STPG1: variants seen among roughly 807,000 people sequenced by gnomAD.
The protein encoded by STPG1 is O(6)-methylguanine-induced apoptosis 2.
Under a neutral mutation model 40.1 loss-of-function variants are expected in STPG1, and 33 were observed. The ratio of observed to expected loss-of-function variants is 0.82; its 90% CI spans 0.62 to 1.10. STPG1 has a LOEUF of 1.10. Ranked by LOEUF, STPG1 falls within the 50% of genes least tolerant of loss-of-function variation. The probability of loss-of-function intolerance (pLI) is 0.00; values close to 1 mark genes in which losing one functional copy is unlikely to be tolerated. For missense variants in STPG1, 396 were observed against 415.1 expected (o/e 0.95, Z 0.40); for synonymous variants, 150 against 155.0 (o/e 0.97, Z 0.24).
At chr1:24,370,499 A>G (rs1050455733) in intron 6 of STPG1, among the ~76,000 whole-genome samples, 1 of 148,862 alleles carries the variant, frequency 6.7e-6, no homozygotes, top group Non-Finnish European at 1.5e-5. Flanking sequence ...TAAAAAAAAA[A>G]TTTTTTTTTT....
chr1:24,388,269 T>A (rs1642600690), intron 3 of STPG1, among the ~76,000 whole-genome samples: 1 of 151,914 alleles, frequency 6.6e-6, no homozygotes, highest in East Asian at 1.9e-4. Context: ...CAATCCAGGG[T>A]GAAGTGGAGA....
At chr1:24,407,505 A>G (rs1294084386) in intron 1 of STPG1, among the ~76,000 whole-genome samples, 1 of 149,010 alleles carries the variant, frequency 6.7e-6, no homozygotes, top group African/African-American at 2.5e-5. Flanking sequence ...GCAGTGGCGC[A>G]ATCTCGGCTC....
At chr1:24,401,637 C>T (rs1375718034) in intron 1 of STPG1, among the ~76,000 whole-genome samples, 181 bp from the exon 2 acceptor site, 1 of 152,276 alleles carries the variant, frequency 6.6e-6, no homozygotes, top group Non-Finnish European at 1.5e-5. Flanking sequence ...GTAGGAACTG[C>T]GTAAGAAGTC....
chr1:24,401,603 C>T (rs1377627312), intron 1 of STPG1, 147 bp from the exon 2 acceptor site: 1 of 579,526 alleles, frequency 1.7e-6, no homozygotes, highest in Non-Finnish European at 3.1e-6. Context: ...AAGTCCCAAG[C>T]ACATTGTGCT....
chr1:24,363,097 C>T (rs1374434133), intron 7 of STPG1, among the ~76,000 whole-genome samples: 2 of 152,204 alleles, frequency 1.3e-5, no homozygotes, highest in Non-Finnish European at 2.9e-5. Context: ...CACCCCATCA[C>T]TGGTCTGGGT....
chr1:24,388,311 C>T (rs1455291119), intron 3 of STPG1, among the ~76,000 whole-genome samples: 2 of 152,148 alleles, frequency 1.3e-5, no homozygotes, highest in Non-Finnish European at 1.5e-5. Context: ...AGAAAATGGC[C>T]GGCAGGCTGC....
At chr1:24,392,281 T>C (rs1642806553) in intron 2 of STPG1, among the ~76,000 whole-genome samples, 1 of 152,250 alleles carries the variant, frequency 6.6e-6, no homozygotes, top group African/African-American at 2.4e-5. Context: ...TATACATGCA[T>C]GTCTGATGTA....
rs78286970 is a variant in STPG1, at chr1:24,360,830, C to T, written c.928+21G>A. ...TTCCAGAAGATTTGGTTTTTACAATCATTTAAAACAATCCTCTGACCTGGG... is the reference window on the plus strand; with the variant it reads ...TTCCAGAAGATTTGGTTTTTACAATTATTTAAAACAATCCTCTGACCTGGG... On this transcript the variant is annotated intron_variant, in intron 8 of 8. Transcript: ENST00000337248. The T allele has an allele frequency of 1.8e-3, 2,869 of 1,586,976 alleles. 60 individuals carry two copies. In the African/African-American group the frequency reaches 0.036, roughly 20 times the overall value.
At chr1:24,398,591 G>C (rs1453737098) in intron 2 of STPG1, among the ~76,000 whole-genome samples, 5 of 152,066 alleles carry the variant, frequency 3.3e-5, no homozygotes, top group Non-Finnish European at 5.9e-5. Flanking sequence ...ATTGTGTATG[G>C]GGAAATTGCA....
chr1:24,361,889 C>T (rs986610741), intron 7 of STPG1, among the ~76,000 whole-genome samples: 2 of 152,174 alleles, frequency 1.3e-5, no homozygotes, highest in Admixed American at 1.3e-4. Flanking sequence ...GAGGTCCCTT[C>T]CTGCTGTGAC....
intron 2 of STPG1, among the ~76,000 whole-genome samples, chr1:24,397,893 C>A (rs1459507018): frequency 2.0e-5 from 3 of 152,102 alleles, no homozygotes; most frequent in Non-Finnish European, 4.4e-5. Context: ...ACAAATAAAA[C>A]TGCTATGAGC....
intron 1 of STPG1, among the ~76,000 whole-genome samples, chr1:24,405,798 TTGTTC>T (rs1454142167): frequency 7.1e-6 from 1 of 141,776 alleles, no homozygotes; most frequent in Non-Finnish European, 1.5e-5. Flanking sequence ...GTAATATTCC[TTGTTC>T]TGAAGTCTTA....
intron 5 of STPG1, 88 bp from the exon 6 acceptor site, chr1:24,373,898 A>T: frequency 1.1e-6 from 1 of 944,208 alleles, no homozygotes; most frequent in African/African-American, 1.6e-5. Context: ...AAATCTACGT[A>T]AAAAAAATCA....
intron 3 of STPG1, among the ~76,000 whole-genome samples, chr1:24,385,982 G>A (rs923393059): frequency 1.3e-4 from 20 of 152,104 alleles, no homozygotes; most frequent in African/African-American, 3.4e-4. Context: ...TCTAGCTCCC[G>A]GTTATCACCA....
At chr1:24,395,589 C>A (rs911009152) in intron 2 of STPG1, among the ~76,000 whole-genome samples, 4 of 151,832 alleles carry the variant, frequency 2.6e-5, no homozygotes, top group Admixed American at 6.5e-5. Flanking sequence ...CCCGCCACCG[C>A]GCCCGGCTAA....
At chr1:24,361,622 G>T (rs1402314431) in intron 7 of STPG1, among the ~76,000 whole-genome samples, 1 of 152,066 alleles carries the variant, frequency 6.6e-6, no homozygotes, top group Non-Finnish European at 1.5e-5. Context: ...ATATCATCCT[G>T]GGGAGGCAGG....
At chr1:24,391,882 C>G (rs147211882) in intron 2 of STPG1, 145 of 1,311,040 alleles carry the variant, frequency 1.1e-4, no homozygotes, top group South Asian at 7.4e-5. Flanking sequence ...GGACTTCCCC[C>G]CTCCAGCTCT....
At chr1:24,409,940 T>C (rs770205140) in intron 1 of STPG1, among the ~76,000 whole-genome samples, 1 of 152,120 alleles carries the variant, frequency 6.6e-6, no homozygotes, top group Non-Finnish European at 1.5e-5. Context: ...CTTGACTTAA[T>C]AAGGCAAGAA....
Position 24,360,843 on chromosome 1 carries a change from C to A in STPG1, c.928+8G>T. The A allele has an allele frequency of 6.2e-7, 1 of 1,604,366 alleles. No homozygotes were observed. Among genetic ancestry groups the A allele is most frequent in the South Asian group, 1.1e-5 (1 of 89,514 alleles). ...GGTTTTTACAATCATTTAAAACAAT[C>A]CTCTGACCTGGGCCAGGCAGGCCTG... On this transcript the variant is annotated splice_region_variant and intron_variant, in intron 8 of 8. Transcript: ENST00000337248.
Sources: gnomAD v4.1 joint callset for allele counts (sites outside exome capture counted in the v4.1 genomes callset) on GRCh38, gnomAD v4.1.1 for gene constraint, MANE v1.5 for transcripts, NCBI Gene and HGNC (gene_info 2026-07-23, HGNC 2026-07-21) for gene names.